TCF4: variants seen among roughly 807,000 people sequenced by gnomAD.
The protein encoded by TCF4 is transcription factor 4.
A neutral mutation model predicts 82.1 loss-of-function variants in TCF4; 3 were observed. The observed-to-expected ratio is 0.04, with a 90% CI of 0.02 to 0.09. The LOEUF (loss-of-function observed/expected upper bound fraction) is 0.09. Among genes scored for constraint, TCF4 ranks in the 10% least tolerant of loss-of-function variants. The pLI, the probability that TCF4 is intolerant of heterozygous loss-of-function variation, is 1.00. For synonymous variants in TCF4, 276 were observed against 309.6 expected (o/e 0.89, Z 1.14); for missense variants, 518 against 852.7 (o/e 0.61, Z 4.89).
At chr18:55,425,641 C>A in intron 5 of TCF4, among the ~76,000 whole-genome samples, 1 of 152,068 alleles carries the variant, frequency 6.6e-6, no homozygotes, top group East Asian at 1.9e-4. Flanking sequence ...TAATAAATTT[C>A]TATTTTCAAG....
chr18:55,533,223 G>A (rs978456677), intron 3 of TCF4, among the ~76,000 whole-genome samples: 8 of 152,096 alleles, frequency 5.3e-5, no homozygotes, highest in African/African-American at 1.4e-4. Context: ...CCCAGGGAGC[G>A]TATGGCTGCA....
chr18:55,239,018 A>G (rs770087166), intron 15 of TCF4, among the ~76,000 whole-genome samples: 10 of 152,320 alleles, frequency 6.6e-5, no homozygotes, highest in South Asian at 4.1e-4. Flanking sequence ...TCCCGTCCAC[A>G]TATTGACTGG....
At chr18:55,369,647 G>A (rs2088347062) in intron 6 of TCF4, among the ~76,000 whole-genome samples, 1 of 152,138 alleles carries the variant, frequency 6.6e-6, no homozygotes, top group Admixed American at 6.5e-5. Flanking sequence ...ACCTGCACAG[G>A]TGCTCATCAG....
chr18:55,316,642 A>G (rs959002783), intron 8 of TCF4, among the ~76,000 whole-genome samples: 7 of 152,132 alleles, frequency 4.6e-5, no homozygotes, highest in Non-Finnish European at 4.4e-5. Context: ...AAAGCCGAAC[A>G]GGGGATGTAA....
intron 5 of TCF4, chr18:55,403,878 A>T (rs1381183729): frequency 4.8e-6 from 7 of 1,448,122 alleles, no homozygotes; most frequent in African/African-American, 1.4e-5. Flanking sequence ...CTATGTAATG[A>T]CCCTAGCCTA....
intron 1 of TCF4, 64 bp downstream of exon 1, chr18:55,587,974 G>C: frequency 2.1e-6 from 2 of 969,344 alleles, no homozygotes; most frequent in Non-Finnish European, 2.4e-6. Flanking sequence ...CGGGGCCGCC[G>C]AGCCCGAACC....
chr18:55,410,046 G>T (rs531683300), intron 5 of TCF4, among the ~76,000 whole-genome samples: 8 of 152,096 alleles, frequency 5.3e-5, no homozygotes, highest in Non-Finnish European at 8.8e-5. Context: ...CTCCATTCCA[G>T]CAAATAAACT....
chr18:55,538,269 C>G (rs2097136540), intron 3 of TCF4, among the ~76,000 whole-genome samples: 2 of 152,154 alleles, frequency 1.3e-5, no homozygotes, highest in South Asian at 4.2e-4. Flanking sequence ...GAATGTAACT[C>G]TAAAAGTATA....
At chr18:55,240,557 C>A (rs534220803) in intron 15 of TCF4, among the ~76,000 whole-genome samples, 4 of 152,288 alleles carry the variant, frequency 2.6e-5, no homozygotes, top group African/African-American at 9.6e-5. Context: ...AGCGGTCATG[C>A]AAACTTTTTT....
At chr18:55,596,250 A>C in intron 2 of TCF4, 1 of 314,804 alleles carries the variant, frequency 3.2e-6, no homozygotes, top group Non-Finnish European at 6.4e-6. Context: ...AGCACATGGA[A>C]ATCTTCATTG....
rs1279356407 is a variant in TCF4, at chr18:55,261,457, T to C, written c.990+9A>G. The C allele has an allele frequency of 1.9e-6, 3 of 1,613,932 alleles. No individual in the cohort carries two copies. The highest frequency in any genetic ancestry group is 3.3e-5 in the Admixed American group (2 of 60,012). Reference sequence around the variant, plus strand: ...GTACATATGGAGTCCAAAGTCAATATTTCCTCACCGAAGCAAGTGCTTTCC... The same window carrying C: ...GTACATATGGAGTCCAAAGTCAATACTTCCTCACCGAAGCAAGTGCTTTCC... On this transcript the variant is annotated intron_variant, in intron 12 of 19. Transcript: ENST00000354452.
At chr18:55,477,655 G>C (rs1343751071) in intron 3 of TCF4, among the ~76,000 whole-genome samples, 1 of 152,156 alleles carries the variant, frequency 6.6e-6, no homozygotes, top group African/African-American at 2.4e-5. Flanking sequence ...TAGCAGGACA[G>C]GTCTATGACG....
intron 3 of TCF4, among the ~76,000 whole-genome samples, chr18:55,508,044 C>A (rs981526584): frequency 2.0e-5 from 3 of 152,066 alleles, no homozygotes; most frequent in South Asian, 2.1e-4. Context: ...AGAACCAGTG[C>A]GGGACAGGGA....
intron 5 of TCF4, among the ~76,000 whole-genome samples, chr18:55,455,194 A>G (rs1188540773): frequency 3.3e-4 from 50 of 150,238 alleles, no homozygotes; most frequent in Non-Finnish European, 7.1e-4. Context: ...AAAAAAAAAA[A>G]AAAAAAAAAG....
chr18:55,280,058 A>G (rs1181000693), intron 8 of TCF4, among the ~76,000 whole-genome samples: 1 of 152,188 alleles, frequency 6.6e-6, no homozygotes, highest in African/African-American at 2.4e-5. Flanking sequence ...ATGGTAGAGT[A>G]AAAACTCTAC....
Position 55,321,933 on chromosome 18 carries a change from T to TA in TCF4, c.549+28425_549+28426insT, listed in dbSNP as rs2075589927. On this transcript the variant is annotated intron_variant, in intron 8 of 19. Transcript: ENST00000354452. Reference sequence around the variant, plus strand: ...CGGCGCTGCTGTCAGACGCTCAACTTTGCGCAGCGGAGCTGGAAGGCAGCC... The same window carrying TA: ...CGGCGCTGCTGTCAGACGCTCAACTTATGCGCAGCGGAGCTGGAAGGCAGCC... 4 of 1,384,818 alleles carry TA rather than the reference T, an allele frequency of 2.9e-6. No homozygotes were observed. The Admixed American group carries it at 1.2e-4, about 42-fold the overall frequency. 85.8% of individuals were successfully genotyped at this position (1,384,818 alleles called of 1,614,324 possible).
At chr18:55,502,094 T>C (rs957598012) in intron 3 of TCF4, among the ~76,000 whole-genome samples, 3 of 152,236 alleles carry the variant, frequency 2.0e-5, no homozygotes, top group East Asian at 3.8e-4. Context: ...AAGGTAGATA[T>C]ACTAACTATG....
chr18:55,579,416 GAACA>G (rs2147746468), intron 3 of TCF4, among the ~76,000 whole-genome samples: 1 of 148,844 alleles, frequency 6.7e-6, no homozygotes, highest in South Asian at 2.1e-4. Context: ...TAACTTGGAA[GAACA>G]AACACCTGGC....
intron 2 of TCF4, chr18:55,596,011 T>A (rs989514492): frequency 1.5e-5 from 5 of 344,790 alleles, no homozygotes; most frequent in Non-Finnish European, 2.9e-5. Context: ...GGTGGGTGGA[T>A]CACTTGAGGT....
Sources: gnomAD v4.1 joint callset for allele counts (sites outside exome capture counted in the v4.1 genomes callset) on GRCh38, gnomAD v4.1.1 for gene constraint, MANE v1.5 for transcripts, NCBI Gene and HGNC (gene_info 2026-07-23, HGNC 2026-07-21) for gene names.